The following MLLT3 variants were observed in gnomAD, a reference collection of about 807,000 sequenced individuals.
MLLT3 encodes MLLT3 super elongation complex subunit.
A neutral mutation model predicts 53.2 loss-of-function variants in MLLT3; 4 were observed. The observed-to-expected ratio is 0.08, with a 90% CI of 0.04 to 0.17. The LOEUF is 0.17. MLLT3 is among the 10% of genes least tolerant of loss of function. The pLI is 1.00. For synonymous variants in MLLT3, 283 were observed against 230.6 expected (o/e 1.23, Z -2.06); for missense variants, 569 against 684.0 (o/e 0.83, Z 1.87).
At chr9:20,577,967 T>A (rs1483466413) in intron 2 of MLLT3, among the ~76,000 whole-genome samples, 1 of 152,168 alleles carries the variant, frequency 6.6e-6, no homozygotes, top group Non-Finnish European at 1.5e-5. Context: ...CCTCTGTAGT[T>A]CCCAGTATCA....
chr9:20,509,162 G>A (rs999566987), intron 2 of MLLT3, among the ~76,000 whole-genome samples: 6 of 152,108 alleles, frequency 3.9e-5, no homozygotes, highest in Non-Finnish European at 8.8e-5. Flanking sequence ...GTTCTGAGTG[G>A]GTTCTTCAAA....
chr9:20,348,725 T>C (rs1820938471), intron 10 of MLLT3, among the ~76,000 whole-genome samples: 1 of 152,224 alleles, frequency 6.6e-6, no homozygotes, highest in Non-Finnish European at 1.5e-5. Flanking sequence ...TATGTAAAAA[T>C]GTATCCAACA....
chr9:20,365,153 A>G (rs1360218726), intron 6 of MLLT3, among the ~76,000 whole-genome samples: 1 of 152,180 alleles, frequency 6.6e-6, no homozygotes, highest in Non-Finnish European at 1.5e-5. Context: ...TTTTGTAGCA[A>G]TGACAATCTG....
intron 2 of MLLT3, among the ~76,000 whole-genome samples, chr9:20,604,102 C>T: frequency 6.6e-6 from 1 of 152,020 alleles, no homozygotes; most frequent in Non-Finnish European, 1.5e-5. Context: ...CAAAATCTTG[C>T]CCTCTTAAGA....
intron 4 of MLLT3, among the ~76,000 whole-genome samples, chr9:20,416,390 C>T (rs1586933287): frequency 6.6e-6 from 1 of 151,798 alleles, no homozygotes; most frequent in East Asian, 1.9e-4. Flanking sequence ...CAACATATTT[C>T]TAATGTTAAG....
At position 20,414,351 on chromosome 9, in the gene MLLT3, GCTGCTGCTGCTGCTGCTGCTGCTGCTA is replaced by G. The variant is rs1563956854; in HGVS notation, c.468_494del (p.Ser182_Ser190del). 5.0e-6 allele frequency: 8 copies of G among 1,601,528 alleles called. No homozygotes were observed. Among genetic ancestry groups the G allele is most frequent in the East Asian group, 2.2e-5 (1 of 44,644 alleles). On this transcript the variant is annotated inframe_deletion, in exon 5 of 11. Transcript: ENST00000380338. ...TGCTGCTGCTGCTGCTGCTACTGCT[GCTGCTGCTGCTGCTGCTGCTGCTGCTA>G]CTGCTGCTGCTGCTGCTGCTGCTGG...
At chr9:20,352,564 T>C (rs1821054083) in intron 10 of MLLT3, among the ~76,000 whole-genome samples, 1 of 152,146 alleles carries the variant, frequency 6.6e-6, no homozygotes, top group African/African-American at 2.4e-5. Flanking sequence ...CATAGGTCTG[T>C]AGTCTTTTGT....
chr9:20,502,092 AAGG>A lies in MLLT3; in HGVS notation c.194-45309_194-45307del, dbSNP rs1267903036. Among the ~76,000 whole-genome samples the A allele has an allele frequency of 5.0e-3, 570 of 114,610 alleles. 4 individuals are homozygous for A. The highest frequency in any genetic ancestry group is 0.014 in the African/African-American group (483 of 34,804). The allele number at this position is 114,610 out of a possible 152,430, so 75.2% of individuals were successfully genotyped here. On this transcript the variant is annotated intron_variant, in intron 2 of 10. Transcript: ENST00000380338. ...GCGAAACTCCATCTCAAAAAAAAAA[AAGG>A]GGGGGGGGGGGACTACCTTTTAAGG... is the stretch of plus-strand genomic sequence containing the variant.
chr9:20,517,762 G>A lies in MLLT3; in HGVS notation c.194-60976C>T, dbSNP rs369589132. 7.9e-5 allele frequency among the ~76,000 whole-genome samples: 12 copies of A among 151,972 alleles called. 1 individual carries two copies. The East Asian group carries it at 2.3e-3, about 29-fold the overall frequency. The stretch of plus-strand genomic sequence containing the variant: ...TGAGGCAGAAAAATTGCTTGAACCT[G>A]GAAGACGGAGGTTGCAGTGAAGCCA... On this transcript the variant is annotated intron_variant, in intron 2 of 10. Transcript: ENST00000380338.
At chr9:20,604,077 C>T (rs1014998004) in intron 2 of MLLT3, among the ~76,000 whole-genome samples, 8 of 152,054 alleles carry the variant, frequency 5.3e-5, no homozygotes, top group African/African-American at 9.7e-5. Flanking sequence ...GATTTAATCA[C>T]GTAGCAGTGG....
At chr9:20,368,504 G>T (rs1252032290) in intron 5 of MLLT3, among the ~76,000 whole-genome samples, 1 of 152,142 alleles carries the variant, frequency 6.6e-6, no homozygotes, top group Non-Finnish European at 1.5e-5. Flanking sequence ...AGAGCTATTT[G>T]CTGAGAATGA....
chr9:20,487,682 C>T (rs1448037078), intron 2 of MLLT3, among the ~76,000 whole-genome samples: 2 of 152,104 alleles, frequency 1.3e-5, no homozygotes, highest in African/African-American at 2.4e-5. Flanking sequence ...ATAACTAATT[C>T]TTACCAAATT....
intron 5 of MLLT3, among the ~76,000 whole-genome samples, chr9:20,403,153 G>A (rs557808525): frequency 2.0e-5 from 3 of 151,892 alleles, no homozygotes; most frequent in East Asian, 3.9e-4. Flanking sequence ...TAGGATCTTG[G>A]GCAAGTTATT....
chr9:20,595,089 G>A (rs1346872780), intron 2 of MLLT3, among the ~76,000 whole-genome samples: 1 of 152,080 alleles, frequency 6.6e-6, no homozygotes, highest in African/African-American at 2.4e-5. Context: ...GGGTGCCGTG[G>A]CTCACAACTG....
chr9:20,621,960 C>T lies in MLLT3; in HGVS notation c.12+285G>A. On this transcript the variant is annotated intron_variant, in intron 1 of 10. Coordinates refer to ENST00000380338, the MANE Select transcript of MLLT3 (RefSeq NM_004529.4). The surrounding 1 kb of genome is among the most constrained non-coding windows in gnomAD (Gnocchi z 7.0). Reference sequence around the variant, plus strand: ...GAGCGAGAGGGAGTGTGTGAGTGCGCTTCTTGTGACTGCAAAGAGGCGAGG... The same window carrying T: ...GAGCGAGAGGGAGTGTGTGAGTGCGTTTCTTGTGACTGCAAAGAGGCGAGG... 1 of 1,393,638 alleles carries T rather than the reference C, an allele frequency of 7.2e-7. No individual in the cohort carries two copies. Among genetic ancestry groups the T allele is most frequent in the Non-Finnish European group, 9.3e-7 (1 of 1,080,196 alleles). The allele number at this position is 1,393,638 out of a possible 1,614,324, so 86.3% of individuals were successfully genotyped here.
chr9:20,387,616 T>C (rs557000497), intron 5 of MLLT3, among the ~76,000 whole-genome samples: 3 of 152,340 alleles, frequency 2.0e-5, no homozygotes, highest in African/African-American at 2.4e-5. Context: ...AGAGTTACTG[T>C]GGAAGACACA....
chr9:20,619,438 C>T (rs1301956101), intron 2 of MLLT3, among the ~76,000 whole-genome samples: 1 of 152,202 alleles, frequency 6.6e-6, no homozygotes, highest in Non-Finnish European at 1.5e-5. Flanking sequence ...AGGCACACGA[C>T]GCTTCTCCTT....
intron 2 of MLLT3, among the ~76,000 whole-genome samples, chr9:20,491,209 G>C (rs1028154842): frequency 6.6e-4 from 101 of 151,984 alleles, no homozygotes; most frequent in African/African-American, 2.3e-3. Flanking sequence ...CAAAAATCAA[G>C]AGCAATACTT....
At chr9:20,429,853 A>G (rs548070296) in intron 4 of MLLT3, among the ~76,000 whole-genome samples, 4 of 152,208 alleles carry the variant, frequency 2.6e-5, no homozygotes, top group Non-Finnish European at 5.9e-5. Flanking sequence ...TAAATAGCAA[A>G]TTATTAGAAT....
Sources: allele counts gnomAD v4.1 joint callset (sites outside exome capture counted in the v4.1 genomes callset), GRCh38; gene constraint gnomAD v4.1.1; non-coding constraint Gnocchi (gnomAD v3.1); transcripts MANE v1.5; gene names NCBI Gene and HGNC (gene_info 2026-07-23, HGNC 2026-07-21).